Variants in NDRG1 observed in about 807,000 individuals in gnomAD.
NDRG1 encodes the protein N-myc downstream regulated 1.
Under a neutral mutation model 56.9 loss-of-function variants are expected in NDRG1, and 32 were observed. That is an observed-to-expected ratio of 0.56 (90% CI 0.42 to 0.76). The LOEUF is 0.76. Among genes scored for constraint, NDRG1 ranks in the 30% least tolerant of loss-of-function variants. The pLI is 0.00. For missense variants in NDRG1, 507 were observed against 545.7 expected (o/e 0.93, Z 0.71); for synonymous variants, 211 against 204.1 (o/e 1.03, Z -0.29).
chr8:133,290,867 C>T (rs933910691), intron 1 of NDRG1, among the ~76,000 whole-genome samples: 6 of 152,248 alleles, frequency 3.9e-5, no homozygotes, highest in Non-Finnish European at 8.8e-5. Flanking sequence ...CACTGTTTCA[C>T]TTGCTCCTCA....
intron 2 of NDRG1, 25 bp downstream of exon 2, chr8:133,284,224 G>A (rs1010251211): frequency 1.9e-6 from 3 of 1,611,180 alleles, no homozygotes; most frequent in African/African-American, 1.3e-5. Context: ...CCTGTGATGG[G>A]GTAGCCAGGA....
intron 3 of NDRG1, among the ~76,000 whole-genome samples, chr8:133,272,813 T>C (rs1343999785): frequency 6.6e-6 from 1 of 152,108 alleles, no homozygotes; most frequent in East Asian, 1.9e-4. Flanking sequence ...GAATGGGAAA[T>C]GGTGAGTTTA....
rs115009469 is a variant in NDRG1 at position 133,288,879 on chromosome 8, G to A, written c.-18-4550C>T. Among the ~76,000 whole-genome samples, 736 of 152,216 alleles carry A rather than the reference G, an allele frequency of 4.8e-3. 5 individuals are homozygous for A. The highest frequency in any genetic ancestry group is 0.017 in the African/African-American group (697 of 41,544). On this transcript the variant is annotated intron_variant, in intron 1 of 15. Coordinates refer to ENST00000323851, the MANE Select transcript of NDRG1 (RefSeq NM_006096.4). ...AAACCCAGCTTAGCACCAAAAACAG[G>A]GCTCCAGGTCACAGCACCAGCTGCC... is the stretch of plus-strand genomic sequence containing the variant.
intron 14 of NDRG1, among the ~76,000 whole-genome samples, chr8:133,243,640 G>A (rs1855503567): frequency 6.6e-6 from 1 of 152,036 alleles, no homozygotes; most frequent in South Asian, 2.1e-4. Context: ...ATTATGACCA[G>A]GGTTACATCT....
chr8:133,253,025 CAT>C lies in NDRG1; in HGVS notation c.594+1512_594+1513del, dbSNP rs568083656. ...CTCATGGGAGTGTCAGATGGTCACA[CAT>C]GTTAGCTCAGAAGCAGACAGTGGTA... On this transcript the variant is annotated intron_variant, in intron 9 of 15. Coordinates refer to ENST00000323851, the MANE Select transcript of NDRG1 (RefSeq NM_006096.4). Among the ~76,000 whole-genome samples, 269 of 152,344 alleles carry C rather than the reference CAT, an allele frequency of 1.8e-3. 2 individuals are homozygous for C. The highest frequency in any genetic ancestry group is 6.0e-3 in the African/African-American group (250 of 41,568).
At chr8:133,274,029 G>A (rs999298470) in intron 3 of NDRG1, among the ~76,000 whole-genome samples, 11 of 152,138 alleles carry the variant, frequency 7.2e-5, no homozygotes, top group Admixed American at 2.0e-4. Context: ...CGCCCACCCC[G>A]TGCCCTGAGG....
At chr8:133,254,745 A>C in intron 8 of NDRG1, 150 bp from the exon 9 acceptor site, 3 of 760,816 alleles carry the variant, frequency 3.9e-6, no homozygotes, top group Middle Eastern at 2.9e-4. Context: ...ATAGAAACTC[A>C]GTTCCTGTCT....
chr8:133,264,912 CT>C (rs1446853093), intron 3 of NDRG1: 2 of 525,398 alleles, frequency 3.8e-6, no homozygotes, highest in African/African-American at 3.8e-5. Flanking sequence ...GGGGAAAGGG[CT>C]TGCCCGCCAC....
intron 1 of NDRG1, among the ~76,000 whole-genome samples, chr8:133,289,362 G>A (rs532017275): frequency 1.1e-4 from 16 of 152,232 alleles, no homozygotes; most frequent in Middle Eastern, 6.8e-3. Context: ...TTCCTTTCAG[G>A]GTTGCCTTGG....
intron 5 of NDRG1, among the ~76,000 whole-genome samples, chr8:133,260,890 T>C (rs1856625618): frequency 6.6e-6 from 1 of 152,144 alleles, no homozygotes; most frequent in Admixed American, 6.5e-5. Flanking sequence ...GGGTTATCTC[T>C]GAGGTCTGCC....
chr8:133,286,692 G>A (rs1393351554), intron 1 of NDRG1, among the ~76,000 whole-genome samples: 1 of 152,168 alleles, frequency 6.6e-6, no homozygotes, highest in Non-Finnish European at 1.5e-5. Flanking sequence ...GATGATCACG[G>A]GGTATATCTA....
Position 133,241,651 on chromosome 8 carries a change from C to T in NDRG1, c.943+372G>A, listed in dbSNP as rs147318576. On this transcript the variant is annotated intron_variant, in intron 15 of 15. Coordinates refer to ENST00000323851, the MANE Select transcript of NDRG1 (RefSeq NM_006096.4). ...TGTGTTAGTAATCTTTCATCATCATCGACACCATCTTCATCATCACTGTAG... is the reference window on the plus strand; with the variant it reads ...TGTGTTAGTAATCTTTCATCATCATTGACACCATCTTCATCATCACTGTAG... 510 of 349,910 alleles carry T rather than the reference C, an allele frequency of 1.5e-3. 3 individuals are homozygous for T. The highest frequency in any genetic ancestry group is 0.01 in the African/African-American group (490 of 47,990). The allele number at this position is 349,910 out of a possible 1,614,324, so 21.7% of individuals were successfully genotyped here.
intron 11 of NDRG1, among the ~76,000 whole-genome samples, chr8:133,248,279 C>T (rs566199709): frequency 1.1e-4 from 16 of 152,266 alleles, no homozygotes; most frequent in South Asian, 4.1e-4. Flanking sequence ...TCACACAACG[C>T]GGTGCACTCA....
intron 14 of NDRG1, 53 bp from the exon 15 acceptor site, chr8:133,242,127 C>T (rs1855421635): frequency 2.5e-6 from 4 of 1,595,832 alleles, no homozygotes; most frequent in Non-Finnish European, 3.4e-6. Context: ...GCCAGATCAC[C>T]CGAGGCCATG....
Position 133,296,424 on chromosome 8 carries a change from C to T in NDRG1, c.-19+710G>A, listed in dbSNP as rs1430532703. On this transcript the variant is annotated intron_variant, in intron 1 of 15. Transcript: ENST00000323851. Reference sequence around the variant, plus strand: ...CGGGGGCGCACCCTGCCCAGTGGCGCTCGCAGACACTTGCTCCGGCTCGCG... The same window carrying T: ...CGGGGGCGCACCCTGCCCAGTGGCGTTCGCAGACACTTGCTCCGGCTCGCG... 6.6e-6 allele frequency: 3 copies of T among 454,706 alleles called. No individual in the cohort carries two copies. The East Asian group carries it at 2.1e-4, about 32-fold the overall frequency. 28.2% of individuals were successfully genotyped at this position (454,706 alleles called of 1,614,324 possible).
intron 3 of NDRG1, among the ~76,000 whole-genome samples, chr8:133,273,565 C>T (rs900092608): frequency 4.6e-5 from 7 of 152,166 alleles, no homozygotes; most frequent in African/African-American, 7.2e-5. Flanking sequence ...TAGCCCAGCA[C>T]GGTTTCTGAC....
chr8:133,255,330 T>A (rs1347747492), intron 8 of NDRG1: 2 of 456,142 alleles, frequency 4.4e-6, no homozygotes, highest in East Asian at 7.0e-5. Context: ...GGCCACAAGG[T>A]CAAGGGAAGG....
chr8:133,296,209 T>TC (rs894071243), intron 1 of NDRG1, among the ~76,000 whole-genome samples: 5 of 124,530 alleles, frequency 4.0e-5, no homozygotes, highest in African/African-American at 1.2e-4. Flanking sequence ...CCAGCTGTTT[T>TC]CCCCCGTGGA....
chr8:133,281,459 C>T (rs902770017), intron 2 of NDRG1, among the ~76,000 whole-genome samples: 1 of 152,056 alleles, frequency 6.6e-6, no homozygotes, highest in Non-Finnish European at 1.5e-5. Context: ...AGTCTTGTGT[C>T]CCCTCTGGCC....
Sources: gnomAD v4.1 joint callset for allele counts (sites outside exome capture counted in the v4.1 genomes callset) on GRCh38, gnomAD v4.1.1 for gene constraint, MANE v1.5 for transcripts, NCBI Gene and HGNC (gene_info 2026-07-23, HGNC 2026-07-21) for gene names.